Variants in GRHL2 observed in about 807,000 individuals in gnomAD.
GRHL2 encodes the protein grainyhead like transcription factor 2.
In GRHL2, 21 loss-of-function variants were observed where a neutral mutation model predicts 83.8. The ratio of observed to expected loss-of-function variants is 0.25; its 90% confidence interval spans 0.18 to 0.36. The LOEUF (loss-of-function observed/expected upper bound fraction) is 0.36. Among genes scored for constraint, GRHL2 ranks in the 10% least tolerant of loss-of-function variants. GRHL2 has a pLI of 1.00. For synonymous variants in GRHL2, 280 were observed against 278.9 expected (o/e 1.00, Z -0.04); for missense variants, 623 against 781.8 (o/e 0.80, Z 2.42).
chr8:101,669,684 T>C lies in GRHL2; in HGVS notation c.*2981T>C, dbSNP rs965787352. The C allele has an allele frequency of 1.6e-5, 2 of 128,478 alleles. No homozygotes were observed. The highest frequency in any genetic ancestry group is 6.2e-5 in the African/African-American group (2 of 32,352). 8.0% of individuals were successfully genotyped at this position (128,478 alleles called of 1,614,324 possible). On this transcript the variant is annotated 3_prime_UTR_variant, in exon 16 of 16. Transcript: ENST00000646743. ...ATACAGTTATTTTATTTTTTGTACA[T>C]TTTTAAGGAGAAAAAATAAATATTC... is the stretch of plus-strand genomic sequence containing the variant.
At chr8:101,562,454 G>T in intron 4 of GRHL2, 1 of 413,976 alleles carries the variant, frequency 2.4e-6, no homozygotes, top group Non-Finnish European at 4.4e-6. Context: ...AGGGTAGATG[G>T]GCCCTGAACA....
At chr8:101,535,380 C>T (rs1457237812) in intron 1 of GRHL2, among the ~76,000 whole-genome samples, 7 of 152,060 alleles carry the variant, frequency 4.6e-5, no homozygotes, top group African/African-American at 1.7e-4. Context: ...AGAAGGTTTT[C>T]CAGATCCCAG....
At chr8:101,565,950 A>G (rs925150401) in intron 4 of GRHL2, among the ~76,000 whole-genome samples, 72 of 152,328 alleles carry the variant, frequency 4.7e-4, no homozygotes, top group African/African-American at 1.6e-3. Flanking sequence ...TCATTAGTCC[A>G]TTGATTTTAT....
intron 7 of GRHL2, among the ~76,000 whole-genome samples, chr8:101,592,160 A>C (rs1202576523): frequency 7.8e-6 from 1 of 127,514 alleles, no homozygotes; most frequent in Non-Finnish European, 1.5e-5. Context: ...GCTGGAGTGC[A>C]ATGGCACAAT....
chr8:101,595,102 C>G (rs1377820890), intron 7 of GRHL2, among the ~76,000 whole-genome samples: 1 of 152,084 alleles, frequency 6.6e-6, no homozygotes, highest in Admixed American at 6.5e-5. Flanking sequence ...GATCAGGGAC[C>G]TAGTTTTGTT....
rs1212236696 is a variant in GRHL2, at chr8:101,573,841, T to C, written c.891+17T>C. On this transcript the variant is annotated intron_variant, in intron 6 of 15. Transcript: ENST00000646743. ...AAAGTCAGGGTAGGGGCCACATTTC[T>C]CAGATAAAGTACAAAGGAATCCGAT... 1.2e-6 allele frequency: 2 copies of C among 1,614,022 alleles called. No homozygotes were observed. The highest frequency in any genetic ancestry group is 1.7e-6 in the Non-Finnish European group (2 of 1,179,932).
At chr8:101,494,435 C>T (rs1810051852) in intron 1 of GRHL2, among the ~76,000 whole-genome samples, 1 of 152,152 alleles carries the variant, frequency 6.6e-6, no homozygotes, top group South Asian at 2.1e-4. Context: ...GTTACCAACA[C>T]GGGAGCGGGT....
At chr8:101,517,822 C>A (rs534946689) in intron 1 of GRHL2, among the ~76,000 whole-genome samples, 1 of 152,316 alleles carries the variant, frequency 6.6e-6, no homozygotes, top group Non-Finnish European at 1.5e-5. Context: ...TGCAACCCTA[C>A]CTGACTTTCT....
At chr8:101,619,750 T>C in intron 9 of GRHL2, 53 bp downstream of exon 9, 2 of 1,351,926 alleles carry the variant, frequency 1.5e-6, no homozygotes, top group South Asian at 2.4e-5. Context: ...TAGATATTAC[T>C]TTTAATGGCA....
chr8:101,654,932 C>CAACA (rs771619316), intron 14 of GRHL2, among the ~76,000 whole-genome samples: 1 of 152,164 alleles, frequency 6.6e-6, no homozygotes, highest in South Asian at 2.1e-4. Flanking sequence ...CCTGTAATCC[C>CAACA]AACACTTTGG....
At chr8:101,569,705 A>G (rs1484447508) in intron 4 of GRHL2, among the ~76,000 whole-genome samples, 2 of 152,210 alleles carry the variant, frequency 1.3e-5, no homozygotes, top group Non-Finnish European at 2.9e-5. Context: ...TCCTGGCTTC[A>G]AGCAATCCTC....
chr8:101,533,938 A>G (rs1218221676), intron 1 of GRHL2, among the ~76,000 whole-genome samples: 1 of 152,212 alleles, frequency 6.6e-6, no homozygotes, highest in East Asian at 1.9e-4. Context: ...GGTCATTGTA[A>G]CAACCATCAC....
intron 12 of GRHL2, among the ~76,000 whole-genome samples, chr8:101,639,381 AC>A (rs1231058923): frequency 6.6e-6 from 1 of 152,220 alleles, no homozygotes; most frequent in African/African-American, 2.4e-5. Flanking sequence ...TTGGCTAGGC[AC>A]CGTGCTAAGT....
chr8:101,553,623 C>CT (rs1184533206), intron 3 of GRHL2, among the ~76,000 whole-genome samples: 2,155 of 106,742 alleles, frequency 0.02, 18 homozygotes, highest in East Asian at 0.024. Flanking sequence ...TCATCCACTT[C>CT]TTTTTTTTTT....
At chr8:101,607,919 C>CA (rs1812663759) in intron 8 of GRHL2, among the ~76,000 whole-genome samples, 1 of 152,222 alleles carries the variant, frequency 6.6e-6, no homozygotes, top group African/African-American at 2.4e-5. Context: ...CCAAAGGTAT[C>CA]AATGGCTAGA....
intron 12 of GRHL2, among the ~76,000 whole-genome samples, chr8:101,638,637 A>G (rs1187565576): frequency 2.6e-5 from 4 of 152,224 alleles, no homozygotes; most frequent in African/African-American, 9.6e-5. Flanking sequence ...AAGGAGTCAA[A>G]TGATTCCCTA....
chr8:101,558,069 T>A (rs1316203293), intron 3 of GRHL2, among the ~76,000 whole-genome samples: 1 of 152,164 alleles, frequency 6.6e-6, no homozygotes, highest in Non-Finnish European at 1.5e-5. Context: ...GGTTTCACCA[T>A]GTTAGCCAGG....
chr8:101,524,305 A>G (rs937852358), intron 1 of GRHL2, among the ~76,000 whole-genome samples: 4 of 152,180 alleles, frequency 2.6e-5, no homozygotes, highest in African/African-American at 7.2e-5. Flanking sequence ...ACCAATTTTC[A>G]TCTTAAATTG....
chr8:101,584,637 C>T (rs763755414), intron 7 of GRHL2, among the ~76,000 whole-genome samples: 2 of 152,116 alleles, frequency 1.3e-5, no homozygotes, highest in Non-Finnish European at 2.9e-5. Flanking sequence ...AGGAAGCTGG[C>T]TTTGGATGAG....
Sources: allele counts gnomAD v4.1 joint callset (sites outside exome capture counted in the v4.1 genomes callset), GRCh38; gene constraint gnomAD v4.1.1; transcripts MANE v1.5; gene names NCBI Gene and HGNC (gene_info 2026-07-23, HGNC 2026-07-21).